Variants in ZFHX4 observed in about 807,000 individuals in gnomAD.
The protein encoded by ZFHX4 is zinc finger homeobox 4, also known as zinc finger homeobox protein 4.
A neutral mutation model predicts 267.6 loss-of-function variants in ZFHX4; 56 were observed. That is an observed-to-expected ratio of 0.21 (90% CI 0.17 to 0.26). ZFHX4 has a LOEUF of 0.26. Among genes scored for constraint, ZFHX4 ranks in the 10% least tolerant of loss-of-function variants. The pLI is 1.00. For synonymous variants in ZFHX4, 1,778 were observed against 1,665.6 expected (o/e 1.07, Z -1.64); for missense variants, 4,332 against 4,420.0 (o/e 0.98, Z 0.56).
At position 76,837,316 on chromosome 8, in the gene ZFHX4, A is replaced by G. The variant is rs180695634; in HGVS notation, c.3394+3910A>G. On this transcript the variant is annotated intron_variant, in intron 5 of 10. Transcript: ENST00000651372. ...CCAAAGAGAGGCACGATTTTCCAGA[A>G]GAAGGGAAGAGTAACATCGGTCGAG... Among the ~76,000 whole-genome samples, 35 of 152,278 alleles carry G rather than the reference A, an allele frequency of 2.3e-4. 1 individual carries two copies. The South Asian group carries it at 6.4e-3, about 28-fold the overall frequency.
chr8:76,854,110 C>T lies in ZFHX4; in HGVS notation c.7189C>T (p.Pro2397Ser), dbSNP rs1300653850. The T allele has an allele frequency of 1.2e-6, 2 of 1,613,732 alleles. No homozygotes were observed. Among genetic ancestry groups the T allele is most frequent in the Non-Finnish European group, 1.7e-6 (2 of 1,179,850 alleles). ...TSTPLIPSPK[P>S]EPEKTSPKPE... The stretch of plus-strand genomic sequence containing the variant: ...CACCCCCCTGATTCCATCACCCAAA[C>T]CAGAACCTGAGAAGACTTCTCCAAA... Residue 2397 changes from proline to serine, a missense_variant, in exon 10 of 11, where the codon CCA becomes TCA. Coordinates refer to ENST00000651372, the MANE Select transcript of ZFHX4 (RefSeq NM_024721.5).
chr8:76,833,403 T>G lies in ZFHX4; in HGVS notation c.3391T>G (p.Ser1131Ala). The G allele has an allele frequency of 1.2e-6, 2 of 1,604,646 alleles. No individual in the cohort carries two copies. The highest frequency in any genetic ancestry group is 2.2e-5 in the South Asian group (2 of 89,158). The change falls in exon 5 of 11, where the codon TCA becomes GCA. Residue 1131 changes from serine to alanine, a missense_variant. Ser to Ala is a moderately conservative substitution (Grantham distance 99). Coordinates refer to ENST00000651372, the MANE Select transcript of ZFHX4 (RefSeq NM_024721.5). ...TACAGAGCAGCAGTTGAGATCGACC[T>G]CAGGTAATGGTTCCTACTCCTTCTC... Reference protein sequence around the residue: ...DLTEQQLRSTSEEQSEEAEGA... With the variant: ...DLTEQQLRSTAEEQSEEAEGA...
Position 76,681,316 on chromosome 8 carries a change from A to G in ZFHX4, c.-351A>G. ...CAGGGCTAAAACGATAATAATTAGC[A>G]GAATAAAGACATATCGGATTTTCAT... On this transcript the variant is annotated 5_prime_UTR_variant, in exon 1 of 11. Transcript: ENST00000651372. 1 of 398,888 alleles carries G rather than the reference A, an allele frequency of 2.5e-6. No individual in the cohort carries two copies. The highest frequency in any genetic ancestry group is 4.4e-6 in the Non-Finnish European group (1 of 226,034). The allele number at this position is 398,888 out of a possible 1,614,324, so 24.7% of individuals were successfully genotyped here. A position where few individuals can be genotyped will look rare whatever the true frequency, so the allele number is the denominator to read the frequency against.
rs1001873015 is a variant in ZFHX4 at position 76,705,350 on chromosome 8, C to T, written c.1262C>T (p.Thr421Ile). 1 of 1,613,810 alleles carries T rather than the reference C, an allele frequency of 6.2e-7. No individual in the cohort carries two copies. The highest frequency in any genetic ancestry group is 8.5e-7 in the Non-Finnish European group (1 of 1,179,896). ...LSSLVVNTPITSVSLSHSSSE... is the reference protein window; with the variant it reads ...LSSLVVNTPIISVSLSHSSSE... ...AGTTTAGTAGTGAACACCCCAATTA[C>T]CTCTGTCTCCCTCAGCCACTCATCG... The change falls in exon 2 of 11, where the codon ACC (threonine) becomes ATC (isoleucine). Residue 421 changes from threonine (T) to isoleucine (I), a missense_variant. This residue lies in a region of ZFHX4 where 1,195 missense variants were observed against 1,173.6 expected (regional missense o/e 1.02). Coordinates refer to ENST00000651372, the MANE Select transcript of ZFHX4 (RefSeq NM_024721.5).
chr8:76,810,068 T>A (rs1196721983), intron 4 of ZFHX4, among the ~76,000 whole-genome samples: 1 of 152,200 alleles, frequency 6.6e-6, no homozygotes, highest in Non-Finnish European at 1.5e-5. Context: ...TATTTGAGAA[T>A]TGCCAAGTTA....
chr8:76,825,869 T>C (rs1400132030), intron 4 of ZFHX4, among the ~76,000 whole-genome samples: 1 of 152,148 alleles, frequency 6.6e-6, no homozygotes, highest in African/African-American at 2.4e-5. Context: ...CACAGGTCTT[T>C]GAGATGAAAG....
Position 76,863,369 on chromosome 8 carries a change from G to C in ZFHX4, c.9655G>C (p.Glu3219Gln). The C allele has an allele frequency of 1.2e-6, 2 of 1,613,942 alleles. No individual in the cohort carries two copies. The highest frequency in any genetic ancestry group is 1.7e-4 in the Middle Eastern group (1 of 6,060). ...ATKPEKHPKK[E>Q]EKISSALSVL... ...CAAACCCGAAAAACACCCCAAAAAA[G>C]AGGAAAAAATCTCATCTGCTCTTTC... The change falls in exon 11 of 11, where the codon GAG (glutamate) becomes CAG (glutamine). Residue 3219 changes from glutamate to glutamine, a missense_variant. Coordinates refer to ENST00000651372, the MANE Select transcript of ZFHX4 (RefSeq NM_024721.5).
rs1808238550 is a variant in ZFHX4 at position 76,705,633 on chromosome 8, A to C, written c.1545A>C (p.Leu515=). 1 of 1,613,972 alleles carries C rather than the reference A, an allele frequency of 6.2e-7. No homozygotes were observed. Among genetic ancestry groups the C allele is most frequent in the South Asian group, 1.1e-5 (1 of 91,066 alleles). The change falls in exon 2 of 11, where the codon CTA becomes CTC. Residue 515 remains leucine, a synonymous_variant. Coordinates refer to ENST00000651372, the MANE Select transcript of ZFHX4 (RefSeq NM_024721.5). The part of the protein sequence containing the change: ...QSISPLSSSV[L]KFIEKGTSSS... ...TTTCTCCTTTATCATCCAGTGTGCT[A>C]AAATTTATTGAAAAGGGTACCTCGT... is the stretch of plus-strand genomic sequence containing the variant.
At chr8:76,815,860 T>G (rs1469624972) in intron 4 of ZFHX4, among the ~76,000 whole-genome samples, 1 of 152,158 alleles carries the variant, frequency 6.6e-6, no homozygotes, top group African/African-American at 2.4e-5. Context: ...ACCATTACCT[T>G]GGGGGCTAGG....
chr8:76,699,666 A>G (rs1225842323), intron 1 of ZFHX4, among the ~76,000 whole-genome samples: 3 of 151,564 alleles, frequency 2.0e-5, no homozygotes, highest in Non-Finnish European at 4.4e-5. Context: ...ATGAATTCCA[A>G]CTTGGGTAAA....
intron 3 of ZFHX4, among the ~76,000 whole-genome samples, chr8:76,747,337 G>A (rs114236183): frequency 2.3e-3 from 346 of 152,214 alleles, no homozygotes; most frequent in African/African-American, 7.9e-3. Context: ...TAAATTGCAT[G>A]TCACTGGGGT....
intron 3 of ZFHX4, among the ~76,000 whole-genome samples, chr8:76,761,170 C>T (rs1208116723): frequency 6.6e-6 from 1 of 152,128 alleles, no homozygotes; most frequent in African/African-American, 2.4e-5. Context: ...CTGTTTTATA[C>T]ATAAAGTATT....
intron 4 of ZFHX4, among the ~76,000 whole-genome samples, chr8:76,783,266 A>T (rs1810600221): frequency 6.6e-6 from 1 of 152,046 alleles, no homozygotes; most frequent in Non-Finnish European, 1.5e-5. Context: ...TGTTTTAATG[A>T]AAGCTCGTCT....
At chr8:76,730,211 T>C (rs567744341) in intron 3 of ZFHX4, among the ~76,000 whole-genome samples, 1 of 152,276 alleles carries the variant, frequency 6.6e-6, no homozygotes, top group East Asian at 1.9e-4. Context: ...GGTCCATCTG[T>C]ATTATTTTTA....
chr8:76,735,613 G>A (rs1334341160), intron 3 of ZFHX4, among the ~76,000 whole-genome samples: 2 of 152,172 alleles, frequency 1.3e-5, no homozygotes, highest in Non-Finnish European at 1.5e-5. Context: ...TTCTGTTTCT[G>A]TGGAATATGA....
intron 4 of ZFHX4, among the ~76,000 whole-genome samples, chr8:76,793,531 G>A (rs928501336): frequency 4.6e-5 from 7 of 152,114 alleles, no homozygotes; most frequent in African/African-American, 1.7e-4. Context: ...AACACACATG[G>A]ATTTGCTTTT....
Position 76,855,683 on chromosome 8 carries a change from C to T in ZFHX4, c.8762C>T (p.Ser2921Phe). 6.2e-7 allele frequency: 1 copy of T among 1,613,900 alleles called. No individual in the cohort carries two copies. Among genetic ancestry groups the T allele is most frequent in the Non-Finnish European group, 8.5e-7 (1 of 1,179,850 alleles). ...NPFGSSNPFK[S>F]KSNDRPGHKR... ...TTCGGATCCAGCAATCCCTTTAAAT[C>T]CAAAAGTAATGATCGGCCGGGTCAC... The change falls in exon 10 of 11, where the codon TCC becomes TTC. Residue 2921 changes from serine (S) to phenylalanine (F), a missense_variant. This residue lies in a region of ZFHX4 where 1,648 missense variants were observed against 1,625.0 expected (regional missense o/e 1.01). Transcript: ENST00000651372.
rs180713565 is a variant in ZFHX4, at chr8:76,795,779, C to T, written c.3325+17340C>T. ...CTCGATCTCCTGACCTCAGGTGATC[C>T]GCCCGCCTCCAAGTCTTTACATGAA... On this transcript the variant is annotated intron_variant, in intron 4 of 10. Transcript: ENST00000651372. Among the ~76,000 whole-genome samples the T allele has an allele frequency of 5.5e-4, 84 of 152,070 alleles. 1 individual carries two copies. Among genetic ancestry groups the T allele is most frequent in the African/African-American group, 1.9e-3 (77 of 41,472 alleles).
chr8:76,863,756 A>C lies in ZFHX4; in HGVS notation c.10042A>C (p.Lys3348Gln). The C allele has an allele frequency of 1.3e-6, 2 of 1,552,882 alleles. No individual in the cohort carries two copies. Among genetic ancestry groups the C allele is most frequent in the South Asian group, 2.4e-5 (2 of 84,514 alleles). Residue 3348 changes from lysine (K) to glutamine (Q), a missense_variant, in exon 11 of 11, where the codon AAG (lysine) becomes CAG (glutamine). Coordinates refer to ENST00000651372, the MANE Select transcript of ZFHX4 (RefSeq NM_024721.5). ...ACAGCAGCAGAAACCAGTTCAGGCA[A>C]AGACATCCAAAGTAGAAAGTGACCA... ...QEQQQKPVQAKTSKVESDQPQ... is the reference protein window; with the variant it reads ...QEQQQKPVQAQTSKVESDQPQ...
Sources: gnomAD v4.1 joint callset for allele counts (sites outside exome capture counted in the v4.1 genomes callset) on GRCh38, gnomAD v4.1.1 for gene constraint, gnomAD v4.1.1 regional missense constraint, MANE v1.5 for transcripts, NCBI Gene and HGNC (gene_info 2026-07-23, HGNC 2026-07-21) for gene names.